FBXL17: variants seen among roughly 807,000 people sequenced by gnomAD.
FBXL17 encodes the protein F-box and leucine rich repeat protein 17.
Under a neutral mutation model 66.2 loss-of-function variants are expected in FBXL17, and 22 were observed. That is an observed-to-expected ratio of 0.33 (90% confidence interval 0.24 to 0.47). The LOEUF is 0.47. Among genes scored for constraint, FBXL17 ranks in the 20% least tolerant of loss-of-function variants. The pLI is 1.00. For missense variants in FBXL17, 878 were observed against 948.2 expected (o/e 0.93, Z 0.97); for synonymous variants, 474 against 400.5 (o/e 1.18, Z -2.19).
At chr5:108,140,842 T>C (rs562116902) in intron 6 of FBXL17, among the ~76,000 whole-genome samples, 2 of 152,278 alleles carry the variant, frequency 1.3e-5, no homozygotes, top group East Asian at 1.9e-4. Flanking sequence ...CTTTTTTTTT[T>C]TTACTCCCCA....
intron 7 of FBXL17, among the ~76,000 whole-genome samples, chr5:107,903,362 T>A (rs964624320): frequency 4.6e-5 from 7 of 152,168 alleles, no homozygotes; most frequent in African/African-American, 1.7e-4. Flanking sequence ...ATTGAGCATT[T>A]TCAAGGTACT....
intron 4 of FBXL17, among the ~76,000 whole-genome samples, chr5:108,333,637 A>T (rs183852280): frequency 6.6e-6 from 1 of 152,256 alleles, no homozygotes; most frequent in Non-Finnish European, 1.5e-5. Flanking sequence ...AGAAACTGTC[A>T]ATTCTCAATT....
chr5:108,156,266 CAG>C lies in FBXL17; in HGVS notation c.1745+29849_1745+29850del, dbSNP rs530290492. On this transcript the variant is annotated intron_variant, in intron 6 of 8. Coordinates refer to ENST00000542267, the MANE Select transcript of FBXL17 (RefSeq NM_001163315.3). ...TTGTGTCCAGCACCTAGCACAGTGT[CAG>C]AATATATTAGGTGTTCAGTATACAT... Among the ~76,000 whole-genome samples, 883 of 151,956 alleles carry C rather than the reference CAG, an allele frequency of 5.8e-3. 4 individuals are homozygous for C. Among genetic ancestry groups the C allele is most frequent in the Non-Finnish European group, 9.8e-3 (662 of 67,880 alleles).
chr5:107,982,992 T>C (rs1752881610), intron 7 of FBXL17, among the ~76,000 whole-genome samples: 1 of 152,182 alleles, frequency 6.6e-6, no homozygotes, highest in African/African-American at 2.4e-5. Context: ...TTCTTAGCAG[T>C]CCATTATCAA....
intron 4 of FBXL17, among the ~76,000 whole-genome samples, chr5:108,224,930 T>C (rs529444490): frequency 6.6e-6 from 1 of 152,044 alleles, no homozygotes; most frequent in Admixed American, 6.6e-5. Context: ...ACCCAACCAA[T>C]ATATATTTTT....
intron 7 of FBXL17, among the ~76,000 whole-genome samples, chr5:108,005,040 C>A (rs1753870886): frequency 6.6e-6 from 1 of 151,502 alleles, no homozygotes; most frequent in African/African-American, 2.4e-5. Context: ...GCCTGTCTCC[C>A]AGTGTTCCCA....
At chr5:107,922,928 T>C (rs959153018) in intron 7 of FBXL17, among the ~76,000 whole-genome samples, 2 of 152,216 alleles carry the variant, frequency 1.3e-5, no homozygotes, top group Non-Finnish European at 2.9e-5. Flanking sequence ...CATTACAATT[T>C]TTTCTTTCAT....
chr5:108,183,085 G>T (rs1420571441), intron 6 of FBXL17, among the ~76,000 whole-genome samples: 1 of 144,396 alleles, frequency 6.9e-6, no homozygotes, highest in East Asian at 2.0e-4. Context: ...TTGTCGCCCA[G>T]GCTGGAGTAC....
At chr5:107,878,662 A>T in intron 8 of FBXL17, 1 of 985,450 alleles carries the variant, frequency 1.0e-6, no homozygotes. Context: ...GATGGATGGC[A>T]TGATACAAAA....
chr5:108,314,966 T>G (rs1759294277), intron 4 of FBXL17, among the ~76,000 whole-genome samples: 2 of 151,254 alleles, frequency 1.3e-5, no homozygotes, highest in South Asian at 2.1e-4. Flanking sequence ...TTTTTTCCAT[T>G]TTTATTTACA....
intron 7 of FBXL17, among the ~76,000 whole-genome samples, chr5:107,991,639 A>C (rs1232073532): frequency 6.6e-6 from 1 of 152,222 alleles, no homozygotes; most frequent in Non-Finnish European, 1.5e-5. Flanking sequence ...CAGAGAGAGA[A>C]GGTGGCCACG....
rs1239412534 is a variant in FBXL17, at chr5:107,985,814, A to G, written c.1822+35111T>C. Among the ~76,000 whole-genome samples the G allele has an allele frequency of 2.0e-5, 3 of 152,318 alleles. No homozygotes were observed. The East Asian group carries it at 5.8e-4, about 29-fold the overall frequency. On this transcript the variant is annotated intron_variant, in intron 7 of 8. Coordinates refer to ENST00000542267, the MANE Select transcript of FBXL17 (RefSeq NM_001163315.3). ...ACAAATTGCTAATTTTAAATAAGTCATAATCTCTTTTGGTTTTGCTTCAAA... is the reference window on the plus strand; with the variant it reads ...ACAAATTGCTAATTTTAAATAAGTCGTAATCTCTTTTGGTTTTGCTTCAAA...
Position 108,264,676 on chromosome 5 carries a change from T to A in FBXL17, c.1507-40448A>T, listed in dbSNP as rs190909250. 1.9e-3 allele frequency among the ~76,000 whole-genome samples: 293 copies of A among 152,202 alleles called. 1 individual carries two copies. The highest frequency in any genetic ancestry group is 3.9e-3 in the South Asian group (19 of 4,822). The stretch of plus-strand genomic sequence containing the variant: ...TCATCTAGAAACCTTTCTAAATACA[T>A]CTCCAGTTGTTGAAAAAGATCAGAG... On this transcript the variant is annotated intron_variant, in intron 4 of 8. Coordinates refer to ENST00000542267, the MANE Select transcript of FBXL17 (RefSeq NM_001163315.3).
chr5:108,332,941 C>CAAAAAAAAAAA (rs34218940), intron 4 of FBXL17, among the ~76,000 whole-genome samples: 3 of 34,762 alleles, frequency 8.6e-5, no homozygotes, highest in Non-Finnish European at 1.4e-4. Context: ...AAAGCAAAAG[C>CAAAAAAAAAAA]AAAAAAAAAA....
At chr5:108,147,932 A>G (rs902496485) in intron 6 of FBXL17, among the ~76,000 whole-genome samples, 17 of 152,118 alleles carry the variant, frequency 1.1e-4, no homozygotes, top group African/African-American at 3.9e-4. Context: ...CATAATGTAG[A>G]ATTTAATATT....
chr5:108,112,830 C>A (rs1750091472), intron 6 of FBXL17, among the ~76,000 whole-genome samples: 1 of 152,118 alleles, frequency 6.6e-6, no homozygotes, highest in Non-Finnish European at 1.5e-5. Flanking sequence ...ATAAATTTAA[C>A]AAATATTGTA....
At chr5:108,191,796 A>G (rs185830829) in intron 5 of FBXL17, among the ~76,000 whole-genome samples, 1 of 152,182 alleles carries the variant, frequency 6.6e-6, no homozygotes, top group South Asian at 2.1e-4. Context: ...TAAATAAAAC[A>G]TTTCTCACTC....
intron 6 of FBXL17, among the ~76,000 whole-genome samples, chr5:108,126,651 C>CTCTCTCTCTCTCTCTCTCTCTCTCTA (rs1554067324): frequency 9.3e-6 from 1 of 108,042 alleles, no homozygotes. Context: ...CTCTCTCTCT[C>CTCTCTCTCTCTCTCTCTCTCTCTCTA]TATATATATA....
intron 6 of FBXL17, among the ~76,000 whole-genome samples, chr5:108,156,191 A>G (rs1751990469): frequency 6.6e-6 from 1 of 152,032 alleles, no homozygotes; most frequent in Non-Finnish European, 1.5e-5. Flanking sequence ...ATCATACTTT[A>G]GTTATTGGTT....
Sources: gnomAD v4.1 joint callset for allele counts (sites outside exome capture counted in the v4.1 genomes callset) on GRCh38, gnomAD v4.1.1 for gene constraint, MANE v1.5 for transcripts, NCBI Gene and HGNC (gene_info 2026-07-23, HGNC 2026-07-21) for gene names.